Variants in ANKRD62 observed in about 807,000 individuals in gnomAD.
ANKRD62 encodes the protein ankyrin repeat domain 62.
A neutral mutation model predicts 98.8 loss-of-function variants in ANKRD62; 61 were observed. The ratio of observed to expected loss-of-function variants is 0.62; its 90% CI spans 0.50 to 0.76. ANKRD62 has a LOEUF of 0.76. Among genes scored for constraint, ANKRD62 ranks in the 30% least tolerant of loss-of-function variants. The probability of loss-of-function intolerance (pLI) is 0.00; values close to 1 mark genes in which losing one functional copy is unlikely to be tolerated. For synonymous variants in ANKRD62, 341 were observed against 367.9 expected (o/e 0.93, Z 0.84); for missense variants, 933 against 1,082.9 (o/e 0.86, Z 1.94).
chr18:12,129,958 G>A (rs952953649), downstream of ANKRD62, among the ~76,000 whole-genome samples: 8 of 152,016 alleles, frequency 5.3e-5, no homozygotes, highest in African/African-American at 1.7e-4. Context: ...CAGAATCAAC[G>A]CACAGAGATT....
rs4519391 is a variant in ANKRD62, at chr18:12,115,510, G to A, written c.1216G>A (p.Glu406Lys). 0.63 allele frequency: 970,440 copies of A among 1,534,908 alleles called. 312,018 individuals are homozygous for A. The highest frequency in any genetic ancestry group is 0.69 in the Middle Eastern group (3,548 of 5,116). The change falls in exon 10 of 14, where the codon GAA becomes AAA. Residue 406 changes from glutamate (E) to lysine (K), a missense_variant. Physicochemically the swap from Glu to Lys is moderately conservative, Grantham distance 56 (BLOSUM62 1). This residue lies in a region of ANKRD62 where 549 missense variants were observed against 587.9 expected (regional missense o/e 0.93). Transcript: ENST00000587848. ...SDDENFMLLI[E>K]QSGMECKDFV... The stretch of plus-strand genomic sequence containing the variant: ...TGATGAGAATTTTATGTTACTCATT[G>A]AACAAAGTGGAATGGAGTGTAAAGG...
intron 8 of ANKRD62, 51 bp from the exon 9 acceptor site, chr18:12,115,037 T>G: frequency 7.7e-7 from 1 of 1,297,284 alleles, no homozygotes. Context: ...ATTCTTTGTA[T>G]TTTACATATT....
intron 7 of ANKRD62, among the ~76,000 whole-genome samples, chr18:12,104,743 G>A (rs1040345932): frequency 1.3e-5 from 2 of 152,136 alleles, no homozygotes; most frequent in African/African-American, 4.8e-5. Flanking sequence ...AGGAAAAGAT[G>A]TATCTAGAGT....
the ANKRD62 span, among the ~76,000 whole-genome samples, chr18:12,173,985 T>C: frequency 6.6e-6 from 1 of 152,186 alleles, no homozygotes; most frequent in Non-Finnish European, 1.5e-5. Context: ...GTGGTCTTCC[T>C]ATGGGGTATC....
intron 8 of ANKRD62, among the ~76,000 whole-genome samples, chr18:12,114,053 A>G (rs182013656): frequency 3.9e-5 from 6 of 152,294 alleles, no homozygotes; most frequent in Admixed American, 3.9e-4. Context: ...ACCAAACACC[A>G]CATGTTCTCT....
intron 8 of ANKRD62, among the ~76,000 whole-genome samples, chr18:12,112,941 G>C (rs941255105): frequency 2.0e-5 from 3 of 152,088 alleles, no homozygotes; most frequent in African/African-American, 7.2e-5. Context: ...TGTCTCCCAG[G>C]CTGGAGTGCA....
downstream of ANKRD62, among the ~76,000 whole-genome samples, chr18:12,133,338 A>C (rs1910034043): frequency 6.6e-6 from 1 of 152,104 alleles, no homozygotes; most frequent in Admixed American, 6.5e-5. Flanking sequence ...GATTGTTTCC[A>C]GGTTTTAACT....
At chr18:12,095,731 C>A in intron 3 of ANKRD62, 121 bp downstream of exon 3, 2 of 938,718 alleles carry the variant, frequency 2.1e-6, no homozygotes, top group Non-Finnish European at 1.5e-6. Context: ...CAAATATTTG[C>A]TTTACATACA....
At chr18:12,115,030 C>A in intron 8 of ANKRD62, 58 bp from the exon 9 acceptor site, 1 of 1,251,214 alleles carries the variant, frequency 8.0e-7, no homozygotes, top group Non-Finnish European at 1.0e-6. Context: ...TTTAGATATT[C>A]TTTGTATTTT....
chr18:12,169,488 G>C, the ANKRD62 span, among the ~76,000 whole-genome samples: 1 of 152,202 alleles, frequency 6.6e-6, no homozygotes, highest in Non-Finnish European at 1.5e-5. Context: ...AAGCCAACTT[G>C]ATCTTGGTGG....
the ANKRD62 span, among the ~76,000 whole-genome samples, chr18:12,152,644 TG>T: frequency 6.6e-6 from 1 of 152,156 alleles, no homozygotes; most frequent in African/African-American, 2.4e-5. Context: ...GGGCAAAAGC[TG>T]GGGGCATTCC....
the ANKRD62 span, among the ~76,000 whole-genome samples, chr18:12,151,651 A>C: frequency 6.6e-6 from 1 of 152,220 alleles, no homozygotes; most frequent in African/African-American, 2.4e-5. Flanking sequence ...CACAATTGAA[A>C]TAATTAGAGA....
downstream of ANKRD62, among the ~76,000 whole-genome samples, chr18:12,131,877 G>A (rs1910011024): frequency 6.6e-6 from 1 of 151,898 alleles, no homozygotes; most frequent in Admixed American, 6.6e-5. Flanking sequence ...CTTCAAACTG[G>A]ATTGTATTTT....
At chr18:12,168,444 T>C in the ANKRD62 span, among the ~76,000 whole-genome samples, 3 of 152,208 alleles carry the variant, frequency 2.0e-5, no homozygotes, top group South Asian at 4.1e-4. Flanking sequence ...CAGATAGTTG[T>C]AGATATGTGG....
At chr18:12,153,807 C>A in the ANKRD62 span, among the ~76,000 whole-genome samples, 1 of 152,060 alleles carries the variant, frequency 6.6e-6, no homozygotes, top group Non-Finnish European at 1.5e-5. Flanking sequence ...AGGTTACACA[C>A]CTTCAACTAT....
chr18:12,179,698 T>C, the ANKRD62 span, among the ~76,000 whole-genome samples: 24 of 149,292 alleles, frequency 1.6e-4, no homozygotes, highest in Admixed American at 1.6e-3. Context: ...CAAACAACCT[T>C]TTCAAGCAGA....
At chr18:12,164,629 A>G in the ANKRD62 span, among the ~76,000 whole-genome samples, 1 of 151,848 alleles carries the variant, frequency 6.6e-6, no homozygotes, top group African/African-American at 2.4e-5. Context: ...ATAGCTATAA[A>G]CTTCTCTCTA....
the ANKRD62 span, among the ~76,000 whole-genome samples, chr18:12,135,649 A>C: frequency 6.6e-6 from 1 of 151,894 alleles, no homozygotes; most frequent in African/African-American, 2.4e-5. Flanking sequence ...ACTAGTTTAC[A>C]GTCCCACCAA....
At chr18:12,112,111 CAA>C (rs34392499) in intron 8 of ANKRD62, among the ~76,000 whole-genome samples, 487 of 29,470 alleles carry the variant, frequency 0.017, 2 homozygotes, top group African/African-American at 0.032. Context: ...GACTCCAACT[CAA>C]AAAAAAAAAA....
Sources: allele counts gnomAD v4.1 joint callset (sites outside exome capture counted in the v4.1 genomes callset), GRCh38; gene constraint gnomAD v4.1.1; regional missense constraint gnomAD v4.1.1; transcripts MANE v1.5; gene names NCBI Gene and HGNC (gene_info 2026-07-23, HGNC 2026-07-21).